The following VCAN variants were observed in gnomAD, a reference collection of about 807,000 sequenced individuals.
The protein encoded by VCAN is versican core protein.
In VCAN, 44 loss-of-function variants were observed where a neutral mutation model predicts 245.5. That is an observed-to-expected ratio of 0.18 (90% CI 0.14 to 0.23). VCAN has a LOEUF of 0.23. VCAN is among the 10% of genes least tolerant of loss of function. The probability of loss-of-function intolerance (pLI) is 1.00; values close to 1 mark genes in which losing one functional copy is unlikely to be tolerated. For synonymous variants in VCAN, 1,413 were observed against 1,437.0 expected (o/e 0.98, Z 0.38); for missense variants, 3,793 against 4,057.9 (o/e 0.93, Z 1.77).
chr5:83,541,291 C>G lies in VCAN; in HGVS notation c.8288C>G (p.Pro2763Arg). The G allele has an allele frequency of 2.5e-6, 4 of 1,613,978 alleles. No homozygotes were observed. The highest frequency in any genetic ancestry group is 3.4e-6 in the Non-Finnish European group (4 of 1,179,992). Residue 2763 changes from proline to arginine, a missense_variant, in exon 8 of 15, where the codon CCA (proline) becomes CGA (arginine). By Grantham distance (103) the Pro-to-Arg change is moderately radical. Transcript: ENST00000265077. ...AAACATGCTGGTCCTTCTTTTCAGC[C>G]AGAATTCTCTTCAGGAGCTGAGGAG... ...DKKHAGPSFQ[P>R]EFSSGAEEAL...
intron 10 of VCAN, among the ~76,000 whole-genome samples, chr5:83,552,386 G>A (rs1747502563): frequency 1.3e-5 from 2 of 152,160 alleles, no homozygotes; most frequent in Admixed American, 1.3e-4. Context: ...AGTTTTGTTA[G>A]TTTTTACATG....
At chr5:83,472,835 GCCTGTTCTGAAT>G (rs1195150659) in intron 1 of VCAN, among the ~76,000 whole-genome samples, 1 of 152,190 alleles carries the variant, frequency 6.6e-6, no homozygotes, top group Non-Finnish European at 1.5e-5. Flanking sequence ...GGCGGGAAAA[GCCTGTTCTGAAT>G]CGGCAGGGAT....
intron 1 of VCAN, among the ~76,000 whole-genome samples, chr5:83,479,405 T>C (rs1744535626): frequency 1.3e-5 from 2 of 152,156 alleles, no homozygotes; most frequent in South Asian, 4.2e-4. Context: ...TTCTCATGGA[T>C]AGGAGTTCCA....
intron 2 of VCAN, among the ~76,000 whole-genome samples, chr5:83,484,789 T>C (rs1744738831): frequency 6.6e-6 from 1 of 152,120 alleles, no homozygotes; most frequent in Non-Finnish European, 1.5e-5. Context: ...CAGAGTGACA[T>C]CATAGAGAGT....
At chr5:83,551,377 T>C (rs1747463864) in intron 10 of VCAN, among the ~76,000 whole-genome samples, 1 of 151,756 alleles carries the variant, frequency 6.6e-6, no homozygotes, top group African/African-American at 2.4e-5. Flanking sequence ...CCAGGCATGG[T>C]GGTGCACGCC....
Position 83,580,556 on chromosome 5 carries a change from A to G in VCAN, c.*122A>G. The G allele has an allele frequency of 1.4e-6, 2 of 1,476,454 alleles. No homozygotes were observed. Among genetic ancestry groups the G allele is most frequent in the Non-Finnish European group, 1.9e-6 (2 of 1,079,352 alleles). 91.5% of individuals were successfully genotyped at this position (1,476,454 alleles called of 1,614,324 possible). A position where few individuals can be genotyped will look rare whatever the true frequency, so the allele number is the denominator to read the frequency against. ...TGGATTTTTGGACCACCGTTCAGTC[A>G]TTTTGGGTTGCCGTGCTCCCAAAAC... On this transcript the variant is annotated 3_prime_UTR_variant, in exon 15 of 15. Coordinates refer to ENST00000265077, the MANE Select transcript of VCAN (RefSeq NM_004385.5).
rs979301450 is a variant in VCAN, at chr5:83,540,060, A to G, written c.7057A>G (p.Thr2353Ala). The change falls in exon 8 of 15, where the codon ACG becomes GCG. Residue 2353 changes from threonine to alanine, a missense_variant. This residue lies in a region of VCAN where 3,182 missense variants were observed against 3,250.3 expected (regional missense o/e 0.98). Coordinates refer to ENST00000265077, the MANE Select transcript of VCAN (RefSeq NM_004385.5). ...GPTVAPLPFS[T>A]DIGHPQNQTV... ...CACGGTGGCACCTCTCCCTTTCTCC[A>G]CGGACATCGGACATCCTCAAAATCA... The G allele has an allele frequency of 2.4e-5, 39 of 1,613,950 alleles. No homozygotes were observed. Among genetic ancestry groups the G allele is most frequent in the Non-Finnish European group, 3.1e-5 (37 of 1,180,008 alleles).
intron 7 of VCAN, among the ~76,000 whole-genome samples, chr5:83,526,510 T>C (rs530465948): frequency 1.2e-3 from 178 of 152,208 alleles, no homozygotes; most frequent in African/African-American, 4.1e-3. Context: ...TCATCTCCTG[T>C]GGTGGTTTTT....
chr5:83,506,252 A>G (rs1455079171), intron 5 of VCAN, among the ~76,000 whole-genome samples: 1 of 152,218 alleles, frequency 6.6e-6, no homozygotes, highest in East Asian at 1.9e-4. Context: ...GTCAGGCTGC[A>G]ATTTTTCAAA....
chr5:83,483,985 C>T (rs1264546834), intron 2 of VCAN, among the ~76,000 whole-genome samples: 1 of 152,158 alleles, frequency 6.6e-6, no homozygotes, highest in Non-Finnish European at 1.5e-5. Flanking sequence ...AGAAAGCTGA[C>T]AGCCATGTTT....
At chr5:83,474,220 G>T (rs1170502704) in intron 1 of VCAN, among the ~76,000 whole-genome samples, 1 of 151,960 alleles carries the variant, frequency 6.6e-6, no homozygotes, top group Non-Finnish European at 1.5e-5. Flanking sequence ...GCGGGCAGTG[G>T]GAGGAAAAAA....
Position 83,540,385 on chromosome 5 carries a change from C to T in VCAN, c.7382C>T (p.Ser2461Phe), listed in dbSNP as rs759999129. The T allele has an allele frequency of 1.7e-5, 27 of 1,613,900 alleles. No homozygotes were observed. Among genetic ancestry groups the T allele is most frequent in the Non-Finnish European group, 1.7e-6 (2 of 1,179,954 alleles). ...CAAGAAAGCAGCACCACATTTGTTT[C>T]TGATGGGTCCCTGGAAAAACATCCT... ...TRQESSTTFV[S>F]DGSLEKHPEV... The change falls in exon 8 of 15, where the codon TCT (serine) becomes TTT (phenylalanine). Residue 2461 changes from serine (S) to phenylalanine (F), a missense_variant. Ser to Phe is a radical substitution (Grantham distance 155). Around this residue, in one of 5 missense-constraint regions of VCAN, gnomAD observed 3,182 missense variants for 3,250.3 expected, o/e 0.98. Coordinates refer to ENST00000265077, the MANE Select transcript of VCAN (RefSeq NM_004385.5).
chr5:83,514,570 C>T (rs1217537905), intron 6 of VCAN, among the ~76,000 whole-genome samples: 2 of 151,754 alleles, frequency 1.3e-5, no homozygotes, highest in Non-Finnish European at 1.5e-5. Context: ...CCTGCCTTCT[C>T]CTGCCTCAGC....
At chr5:83,487,578 A>T (rs770638010) in intron 2 of VCAN, among the ~76,000 whole-genome samples, 98 of 152,222 alleles carry the variant, frequency 6.4e-4, no homozygotes, top group South Asian at 1.4e-3. Context: ...TTTGTGACCC[A>T]GTGCATTAAG....
At chr5:83,551,032 A>G (rs1747445366) in intron 10 of VCAN, among the ~76,000 whole-genome samples, 1 of 150,636 alleles carries the variant, frequency 6.6e-6, no homozygotes, top group Non-Finnish European at 1.5e-5. Flanking sequence ...AAATAAATGC[A>G]TTTTCCCAGT....
chr5:83,476,456 CATT>C (rs1744396262), intron 1 of VCAN, among the ~76,000 whole-genome samples: 1 of 152,176 alleles, frequency 6.6e-6, no homozygotes. Flanking sequence ...GACAAACACT[CATT>C]GTTGGGAGTT....
At position 83,547,083 on chromosome 5, in the gene VCAN, G is replaced by T. The variant is rs1677510349; in HGVS notation, c.9380-888G>T. On this transcript the variant is annotated intron_variant, in intron 9 of 14. Coordinates refer to ENST00000265077, the MANE Select transcript of VCAN (RefSeq NM_004385.5). Reference sequence around the variant, plus strand: ...AGGCCAAAAACTACAGAAGGCATTTGAATGACAGCCTCGATCCAGGTATGC... The same window carrying T: ...AGGCCAAAAACTACAGAAGGCATTTTAATGACAGCCTCGATCCAGGTATGC... Among the ~76,000 whole-genome samples the T allele has an allele frequency of 3.3e-5, 5 of 152,266 alleles. No individual in the cohort carries two copies. The South Asian group carries it at 1.0e-3, about 32-fold the overall frequency.
At chr5:83,572,586 G>C in intron 13 of VCAN, 26 bp downstream of exon 13, 1 of 1,612,908 alleles carries the variant, frequency 6.2e-7, no homozygotes, top group Non-Finnish European at 8.5e-7. Flanking sequence ...TTAATAATGT[G>C]TACTTAATCT....
chr5:83,573,773 C>T (rs529191912), intron 13 of VCAN, among the ~76,000 whole-genome samples: 1 of 152,172 alleles, frequency 6.6e-6, no homozygotes, highest in African/African-American at 2.4e-5. Flanking sequence ...TGTGCACCAG[C>T]TTTATAACGG....
Sources: allele counts gnomAD v4.1 joint callset (sites outside exome capture counted in the v4.1 genomes callset), GRCh38; gene constraint gnomAD v4.1.1; regional missense constraint gnomAD v4.1.1; transcripts MANE v1.5; gene names NCBI Gene and HGNC (gene_info 2026-07-23, HGNC 2026-07-21).